Variants in TMEM132B observed in about 807,000 individuals in gnomAD.
TMEM132B encodes the protein transmembrane protein 132B.
A neutral mutation model predicts 90.8 loss-of-function variants in TMEM132B; 18 were observed. The ratio of observed to expected loss-of-function variants is 0.20; its 90% CI spans 0.14 to 0.29. TMEM132B has a LOEUF of 0.29. Among genes scored for constraint, TMEM132B ranks in the 10% least tolerant of loss-of-function variants. The pLI, the probability that TMEM132B is intolerant of heterozygous loss-of-function variation, is 1.00. For synonymous variants in TMEM132B, 504 were observed against 523.3 expected (o/e 0.96, Z 0.50); for missense variants, 1,096 against 1,326.8 (o/e 0.83, Z 2.70).
rs1881394496 is a variant in TMEM132B at position 125,460,045 on chromosome 12, G to A, written c.1106+44368G>A. Among the ~76,000 whole-genome samples, 1 of 152,110 alleles carries A rather than the reference G, an allele frequency of 6.6e-6. No homozygotes were observed. The highest frequency in any genetic ancestry group is 2.4e-5 in the African/African-American group (1 of 41,398). On this transcript the variant is annotated intron_variant, in intron 3 of 8. Coordinates refer to ENST00000682704, the MANE Select transcript of TMEM132B (RefSeq NM_001366854.1). This position sits in a 1 kb window ranked among gnomAD's most constrained non-coding sequence, Gnocchi z 4.4. ...CCTCTTTTTCTTTATAAATTACACAGTCTCAGGTATGCCTTTATCAGCAGT... is the reference window on the plus strand; with the variant it reads ...CCTCTTTTTCTTTATAAATTACACAATCTCAGGTATGCCTTTATCAGCAGT...
intron 3 of TMEM132B, among the ~76,000 whole-genome samples, chr12:125,419,063 C>T (rs1024840318): frequency 9.9e-5 from 15 of 152,154 alleles, no homozygotes; most frequent in African/African-American, 2.9e-4. Context: ...GAAAATAAAC[C>T]GCAACTTTTT....
At chr12:125,533,199 C>A (rs1377540673) in intron 4 of TMEM132B, among the ~76,000 whole-genome samples, 1 of 152,184 alleles carries the variant, frequency 6.6e-6, no homozygotes, top group African/African-American at 2.4e-5. Flanking sequence ...GCCAGAATAA[C>A]CTTGTTATCA....
chr12:125,632,960 T>C (rs1416327169), intron 5 of TMEM132B, among the ~76,000 whole-genome samples: 2 of 152,148 alleles, frequency 1.3e-5, no homozygotes, highest in Non-Finnish European at 2.9e-5. Context: ...TTCTCTGTTA[T>C]TATCCCTCTA....
rs1199081860 is a variant in TMEM132B at position 125,251,859 on chromosome 12, G to A, written c.67+64993G>A. The stretch of plus-strand genomic sequence containing the variant: ...AATCATAATTTTAAAAATATCGGGT[G>A]GTCAAAACAAAGCAAAAGAACAATA... On this transcript the variant is annotated intron_variant, in intron 1 of 8. Coordinates refer to ENST00000682704, the MANE Select transcript of TMEM132B (RefSeq NM_001366854.1). This position sits in a 1 kb window ranked among gnomAD's most constrained non-coding sequence, Gnocchi z 4.4. 6.6e-6 allele frequency among the ~76,000 whole-genome samples: 1 copy of A among 152,156 alleles called. No individual in the cohort carries two copies. Among genetic ancestry groups the A allele is most frequent in the Admixed American group, 6.5e-5 (1 of 15,272 alleles).
chr12:125,585,010 T>G lies in TMEM132B; in HGVS notation c.1437+1016T>G, dbSNP rs1241023101. The stretch of plus-strand genomic sequence containing the variant: ...GAAACTTGGTCTCAGTATTGAAAAC[T>G]TCGTGGTAGACAGGAAAACCTTTAG... On this transcript the variant is annotated intron_variant, in intron 5 of 8. Transcript: ENST00000682704. 3 of 152,196 alleles carry G rather than the reference T, an allele frequency of 2.0e-5. No individual in the cohort carries two copies. The East Asian group carries it at 5.8e-4, about 29-fold the overall frequency. The allele number at this position is 152,196 out of a possible 1,614,324, so 9.4% of individuals were successfully genotyped here.
intron 1 of TMEM132B, among the ~76,000 whole-genome samples, chr12:125,345,518 A>G (rs774156917): frequency 6.6e-6 from 1 of 152,294 alleles, no homozygotes; most frequent in Non-Finnish European, 1.5e-5. Context: ...GATTCCCGGC[A>G]CCCTGTGAGT....
At chr12:125,267,647 G>A (rs908272728) in intron 1 of TMEM132B, among the ~76,000 whole-genome samples, 1 of 152,138 alleles carries the variant, frequency 6.6e-6, no homozygotes, top group South Asian at 2.1e-4. Flanking sequence ...TCGCACTCAT[G>A]GCTGGGGCAT....
intron 5 of TMEM132B, among the ~76,000 whole-genome samples, chr12:125,620,177 G>A (rs1227042322): frequency 6.6e-6 from 1 of 152,224 alleles, no homozygotes; most frequent in Non-Finnish European, 1.5e-5. Flanking sequence ...CACGGCACAT[G>A]TGCCACTGGG....
intron 2 of TMEM132B, among the ~76,000 whole-genome samples, chr12:125,409,940 AGGAGT>A (rs1446867386): frequency 9.2e-5 from 1 of 10,824 alleles, no homozygotes; most frequent in Non-Finnish European, 1.8e-4. Flanking sequence ...AGTGGAGTGG[AGGAGT>A]GGAGTGGAGT....
chr12:125,551,206 A>C (rs760987952), intron 4 of TMEM132B, among the ~76,000 whole-genome samples: 4 of 152,120 alleles, frequency 2.6e-5, no homozygotes, highest in African/African-American at 4.8e-5. Context: ...TTCGGTATAT[A>C]TTTTTCATAC....
intron 5 of TMEM132B, chr12:125,622,722 T>C: frequency 1.1e-6 from 1 of 941,158 alleles, no homozygotes; most frequent in East Asian, 1.2e-4. Flanking sequence ...GAAACCTTTT[T>C]TCTGCTCTCA....
rs1874320167 is a variant in TMEM132B at position 125,251,723 on chromosome 12, T to G, written c.67+64857T>G. 6.6e-6 allele frequency among the ~76,000 whole-genome samples: 1 copy of G among 152,158 alleles called. No homozygotes were observed. The highest frequency in any genetic ancestry group is 2.4e-5 in the African/African-American group (1 of 41,430). On this transcript the variant is annotated intron_variant, in intron 1 of 8. Coordinates refer to ENST00000682704, the MANE Select transcript of TMEM132B (RefSeq NM_001366854.1). The surrounding 1 kb of genome is among the most constrained non-coding windows in gnomAD (Gnocchi z 4.4). Reference sequence around the variant, plus strand: ...GGGGACAGTGGTAACTCAGTTCTAGTTTATTGGTTCTGTTTGGGAGTAACG... The same window carrying G: ...GGGGACAGTGGTAACTCAGTTCTAGGTTATTGGTTCTGTTTGGGAGTAACG...
chr12:125,289,356 G>A lies in TMEM132B; in HGVS notation c.68-60096G>A, dbSNP rs181583451. Among the ~76,000 whole-genome samples, 17 of 152,276 alleles carry A rather than the reference G, an allele frequency of 1.1e-4. No homozygotes were observed. In the East Asian group the frequency reaches 3.3e-3, roughly 29 times the overall value. On this transcript the variant is annotated intron_variant, in intron 1 of 8. Transcript: ENST00000682704. The stretch of plus-strand genomic sequence containing the variant: ...GGCACCCTTCTGGTGCTTTCCTTGT[G>A]TTAACTTCTTTAATCGGCACAAGAA...
chr12:125,605,158 C>A (rs1413241933), intron 5 of TMEM132B, among the ~76,000 whole-genome samples: 1 of 152,182 alleles, frequency 6.6e-6, no homozygotes, highest in Non-Finnish European at 1.5e-5. Context: ...TATATCAACA[C>A]AGCAGACACC....
chr12:125,498,175 T>C lies in TMEM132B; in HGVS notation c.1107-21264T>C, dbSNP rs1445193610. Among the ~76,000 whole-genome samples the C allele has an allele frequency of 6.6e-6, 1 of 152,226 alleles. No homozygotes were observed. The highest frequency in any genetic ancestry group is 2.4e-5 in the African/African-American group (1 of 41,454). On this transcript the variant is annotated intron_variant, in intron 3 of 8. Transcript: ENST00000682704. The surrounding 1 kb of genome is among the most constrained non-coding windows in gnomAD (Gnocchi z 4.5). ...TGTGTTTTAAACTAGAGGCATCCTCTGGTTCTCTGAGGGTGTATATTTCTA... is the reference window on the plus strand; with the variant it reads ...TGTGTTTTAAACTAGAGGCATCCTCCGGTTCTCTGAGGGTGTATATTTCTA...
intron 1 of TMEM132B, among the ~76,000 whole-genome samples, chr12:125,304,949 C>G (rs1198887417): frequency 1.3e-5 from 2 of 152,094 alleles, no homozygotes; most frequent in Admixed American, 1.3e-4. Context: ...GTTGGGAGGT[C>G]ATTGTTCTCT....
intron 3 of TMEM132B, among the ~76,000 whole-genome samples, chr12:125,491,339 A>G (rs1882345652): frequency 6.6e-6 from 1 of 152,100 alleles, no homozygotes; most frequent in Non-Finnish European, 1.5e-5. Flanking sequence ...TCTGTTGCCC[A>G]GGCTTACTAA....
At chr12:125,302,505 C>A (rs927190129) in intron 1 of TMEM132B, among the ~76,000 whole-genome samples, 25 of 152,064 alleles carry the variant, frequency 1.6e-4, no homozygotes, top group African/African-American at 5.8e-4. Context: ...CGTTATACAG[C>A]ACTATTGTGG....
intron 4 of TMEM132B, among the ~76,000 whole-genome samples, chr12:125,579,185 T>C (rs1884997552): frequency 6.6e-6 from 1 of 152,182 alleles, no homozygotes; most frequent in Non-Finnish European, 1.5e-5. Context: ...AATTAGCCTA[T>C]CTTTATATTC....
Sources: gnomAD v4.1 joint callset for allele counts (sites outside exome capture counted in the v4.1 genomes callset) on GRCh38, gnomAD v4.1.1 for gene constraint, Gnocchi (gnomAD v3.1) non-coding constraint, MANE v1.5 for transcripts, NCBI Gene and HGNC (gene_info 2026-07-23, HGNC 2026-07-21) for gene names.